Variants in FTO observed in about 807,000 individuals in gnomAD.
The protein encoded by FTO is alpha-ketoglutarate-dependent dioxygenase FTO.
A neutral mutation model predicts 63.9 loss-of-function variants in FTO; 47 were observed. The ratio of observed to expected loss-of-function variants is 0.74; its 90% CI spans 0.58 to 0.94. The LOEUF is 0.94. FTO is among the 40% of genes least tolerant of loss of function. The probability of loss-of-function intolerance (pLI) is 0.00; values close to 1 mark genes in which losing one functional copy is unlikely to be tolerated. For synonymous variants in FTO, 207 were observed against 224.4 expected (o/e 0.92, Z 0.69); for missense variants, 562 against 618.1 (o/e 0.91, Z 0.96).
At chr16:53,786,777 G>A (rs917904093) in intron 1 of FTO, among the ~76,000 whole-genome samples, 1 of 152,128 alleles carries the variant, frequency 6.6e-6, no homozygotes, top group African/African-American at 2.4e-5. Flanking sequence ...ACATAAGATG[G>A]TAGAGAGGCT....
At chr16:53,711,204 C>T (rs2075765854) in intron 1 of FTO, among the ~76,000 whole-genome samples, 1 of 151,954 alleles carries the variant, frequency 6.6e-6, no homozygotes, top group Admixed American at 6.6e-5. Flanking sequence ...GACGTTTATT[C>T]TGTAAACTTA....
chr16:53,954,880 G>A (rs1429292692), intron 8 of FTO, among the ~76,000 whole-genome samples: 5 of 151,978 alleles, frequency 3.3e-5, no homozygotes, highest in African/African-American at 4.8e-5. Context: ...GCAAGAGTGA[G>A]TGGCATGATT....
intron 8 of FTO, among the ~76,000 whole-genome samples, chr16:53,954,001 C>T (rs2082862591): frequency 6.6e-6 from 1 of 152,168 alleles, no homozygotes; most frequent in East Asian, 1.9e-4. Flanking sequence ...CATTTTCTAC[C>T]TTCACTTATA....
At chr16:53,866,625 A>AT (rs1345495099) in intron 4 of FTO, among the ~76,000 whole-genome samples, 2 of 152,014 alleles carry the variant, frequency 1.3e-5, no homozygotes, top group Admixed American at 6.6e-5. Flanking sequence ...GAATTGGTTC[A>AT]TTTTTTATAG....
At chr16:53,840,397 T>C (rs1266353885) in intron 3 of FTO, among the ~76,000 whole-genome samples, 3 of 152,204 alleles carry the variant, frequency 2.0e-5, no homozygotes, top group Admixed American at 6.5e-5. Flanking sequence ...CATTATTAGG[T>C]ATTAGTCACA....
At chr16:53,723,074 C>A (rs1209492147) in intron 1 of FTO, among the ~76,000 whole-genome samples, 1 of 152,134 alleles carries the variant, frequency 6.6e-6, no homozygotes, top group Non-Finnish European at 1.5e-5. Context: ...TCACCTTTGC[C>A]CTTAGCTAAT....
chr16:53,716,648 A>G (rs2075900767), intron 1 of FTO, among the ~76,000 whole-genome samples: 1 of 152,082 alleles, frequency 6.6e-6, no homozygotes, highest in Non-Finnish European at 1.5e-5. Flanking sequence ...TATGTAGCTT[A>G]TGAAAGTCAG....
intron 1 of FTO, among the ~76,000 whole-genome samples, chr16:53,768,299 AGC>A (rs2077257850): frequency 6.6e-6 from 1 of 152,234 alleles, no homozygotes; most frequent in African/African-American, 2.4e-5. Flanking sequence ...CTTTTTGGTT[AGC>A]TGCCAGATAG....
chr16:53,901,424 G>T (rs1450481085), intron 7 of FTO, among the ~76,000 whole-genome samples: 1 of 152,180 alleles, frequency 6.6e-6, no homozygotes. Flanking sequence ...ACAGTCTTGT[G>T]AACTCAATAC....
chr16:53,852,962 A>C (rs903689095), intron 4 of FTO, among the ~76,000 whole-genome samples: 3 of 152,090 alleles, frequency 2.0e-5, no homozygotes, highest in African/African-American at 4.8e-5. Context: ...TCATACTGGG[A>C]TTTCTTCTCA....
chr16:53,939,077 G>A (rs7197223), intron 8 of FTO, among the ~76,000 whole-genome samples: 3,124 of 152,242 alleles, frequency 0.021, 99 homozygotes, highest in African/African-American at 0.071. Context: ...CAGCCTGGGA[G>A]CGAGACTCTG....
chr16:53,749,503 A>G (rs561829334), intron 1 of FTO, among the ~76,000 whole-genome samples: 23 of 151,754 alleles, frequency 1.5e-4, no homozygotes, highest in African/African-American at 5.6e-4. Flanking sequence ...CAGTGGCGCA[A>G]TCTCGGGTCA....
intron 8 of FTO, among the ~76,000 whole-genome samples, chr16:53,947,043 T>C (rs1252575585): frequency 6.6e-6 from 1 of 152,184 alleles, no homozygotes; most frequent in African/African-American, 2.4e-5. Flanking sequence ...AGCTCATAAA[T>C]TATCTTGAAG....
chr16:53,961,160 CTCTCCTGCAGGCTGT>C (rs2083071337), intron 8 of FTO, among the ~76,000 whole-genome samples: 7 of 151,200 alleles, frequency 4.6e-5, no homozygotes, highest in African/African-American at 1.5e-4. Flanking sequence ...TTTTTTTCCC[CTCTCCTGCAGGCTGT>C]TCTGCTCTGC....
intron 8 of FTO, among the ~76,000 whole-genome samples, chr16:53,945,225 TCACTC>T (rs938526798): frequency 1.3e-4 from 20 of 152,240 alleles, no homozygotes; most frequent in African/African-American, 4.6e-4. Context: ...CTGATGGGTT[TCACTC>T]CTCTACTTCC....
chr16:53,994,067 G>A (rs1239752298), intron 8 of FTO: 1 of 152,124 alleles, frequency 6.6e-6, no homozygotes, highest in Non-Finnish European at 1.5e-5. Flanking sequence ...AATGGGATTG[G>A]CCTCTCTAAC....
intron 8 of FTO, among the ~76,000 whole-genome samples, chr16:54,075,769 G>A (rs549185441): frequency 1.3e-4 from 20 of 152,200 alleles, no homozygotes; most frequent in African/African-American, 3.4e-4. Flanking sequence ...GAAATTTTTC[G>A]ATGAAATTAA....
At chr16:53,927,591 C>T (rs539136165) in intron 7 of FTO, among the ~76,000 whole-genome samples, 14 of 152,016 alleles carry the variant, frequency 9.2e-5, no homozygotes, top group African/African-American at 2.9e-4. Flanking sequence ...GAGAGCAAAC[C>T]GAAGAGATGA....
chr16:53,816,366 C>T (rs1409403656), intron 2 of FTO, among the ~76,000 whole-genome samples: 1 of 152,134 alleles, frequency 6.6e-6, no homozygotes, highest in Non-Finnish European at 1.5e-5. Context: ...TAAATCAGCT[C>T]ATTACACTTT....
Sources: allele counts gnomAD v4.1 joint callset (sites outside exome capture counted in the v4.1 genomes callset), GRCh38; gene constraint gnomAD v4.1.1; transcripts MANE v1.5; gene names NCBI Gene and HGNC (gene_info 2026-07-23, HGNC 2026-07-21).